The following SLC35F1 variants were observed in gnomAD, a reference collection of about 807,000 sequenced individuals.
SLC35F1 encodes the protein chromosome 6 open reading frame 169.
Under a neutral mutation model 48.7 loss-of-function variants are expected in SLC35F1, and 14 were observed. The observed-to-expected ratio is 0.29, with a 90% CI of 0.19 to 0.45. The LOEUF is 0.45. SLC35F1 is among the 20% of genes least tolerant of loss of function. SLC35F1 has a pLI of 1.00. For missense variants in SLC35F1, 404 were observed against 500.0 expected (o/e 0.81, Z 1.83); for synonymous variants, 190 against 202.2 (o/e 0.94, Z 0.51).
At chr6:118,067,155 G>C (rs1229966595) in intron 1 of SLC35F1, among the ~76,000 whole-genome samples, 1 of 152,168 alleles carries the variant, frequency 6.6e-6, no homozygotes, top group Non-Finnish European at 1.5e-5. Context: ...AAAGAATCAT[G>C]GATCACTGGG....
At chr6:117,919,321 C>G (rs1257941815) in intron 1 of SLC35F1, among the ~76,000 whole-genome samples, 1 of 152,148 alleles carries the variant, frequency 6.6e-6, no homozygotes, top group African/African-American at 2.4e-5. Context: ...GGTTTCAATT[C>G]TCTCATTTGT....
intron 1 of SLC35F1, among the ~76,000 whole-genome samples, chr6:117,929,477 G>GTC: frequency 6.6e-6 from 1 of 151,698 alleles, no homozygotes; most frequent in Admixed American, 6.6e-5. Flanking sequence ...GTGTGTGTGT[G>GTC]TGTGTGTGTG....
intron 1 of SLC35F1, among the ~76,000 whole-genome samples, chr6:117,938,057 T>G (rs904020106): frequency 1.3e-5 from 2 of 152,126 alleles, no homozygotes; most frequent in Non-Finnish European, 2.9e-5. Flanking sequence ...ACATCAAAAC[T>G]AAATACAAGC....
chr6:118,079,287 G>T (rs557336933), intron 1 of SLC35F1, among the ~76,000 whole-genome samples: 1 of 152,156 alleles, frequency 6.6e-6, no homozygotes, highest in Non-Finnish European at 1.5e-5. Flanking sequence ...CTTTCCTTTT[G>T]TGTCTGTTCA....
intron 1 of SLC35F1, among the ~76,000 whole-genome samples, chr6:118,034,234 T>C (rs1725283366): frequency 6.6e-6 from 1 of 152,090 alleles, no homozygotes; most frequent in Non-Finnish European, 1.5e-5. Flanking sequence ...AAACCTGTTC[T>C]TAGCATACAA....
At chr6:118,141,383 TGC>T (rs1429187781) in intron 1 of SLC35F1, among the ~76,000 whole-genome samples, 1,913 of 152,320 alleles carry the variant, frequency 0.013, 35 homozygotes, top group African/African-American at 0.043. Context: ...CATCTAGGTT[TGC>T]GTAAGTACAC....
intron 1 of SLC35F1, among the ~76,000 whole-genome samples, chr6:118,124,606 C>T (rs1428367466): frequency 2.6e-5 from 4 of 152,114 alleles, no homozygotes; most frequent in Admixed American, 6.6e-5. Context: ...GTTACTGAGC[C>T]GGCCCAGGCT....
At chr6:118,277,333 C>A (rs1775930255) in intron 5 of SLC35F1, among the ~76,000 whole-genome samples, 161 bp from the exon 6 acceptor site, 1 of 152,148 alleles carries the variant, frequency 6.6e-6, no homozygotes, top group African/African-American at 2.4e-5. Context: ...CTGCACTCTG[C>A]CTAATTAGAC....
intron 1 of SLC35F1, among the ~76,000 whole-genome samples, chr6:118,148,335 T>C (rs138301304): frequency 6.1e-4 from 93 of 152,352 alleles, no homozygotes; most frequent in African/African-American, 2.2e-3. Context: ...TTTAAAAGAA[T>C]GTATTCTTAT....
At position 118,275,469 on chromosome 6, in the gene SLC35F1, G is replaced by C. The variant is rs773191996; in HGVS notation, c.648G>C (p.Lys216Asn). 9.9e-6 allele frequency: 16 copies of C among 1,611,188 alleles called. No homozygotes were observed. In the Admixed American group the frequency reaches 2.7e-4, roughly 27 times the overall value. Residue 216 changes from lysine (K) to asparagine (N), a missense_variant, in exon 5 of 8, where the codon AAG (lysine) becomes AAC (asparagine). Coordinates refer to ENST00000360388, the MANE Select transcript of SLC35F1 (RefSeq NM_001029858.4). ...VGRHQGAGEN[K>N]LVGDLLVLGG... is the part of the protein sequence containing the mutation. ...TTGGTTGGTTCCTAGGGGAAAATAAGCTGGTAGGGGACCTTCTGGTCTTAG... is the reference window on the plus strand; with the variant it reads ...TTGGTTGGTTCCTAGGGGAAAATAACCTGGTAGGGGACCTTCTGGTCTTAG...
At chr6:117,966,128 A>ACCCCCC (rs1776560909) in intron 1 of SLC35F1, among the ~76,000 whole-genome samples, 7 of 17,232 alleles carry the variant, frequency 4.1e-4, no homozygotes, top group East Asian at 3.2e-3. Context: ...AAAGCAGGCC[A>ACCCCCC]CCGCCCCCCC....
chr6:118,082,821 CAT>C (rs1292703440), intron 1 of SLC35F1, among the ~76,000 whole-genome samples: 2 of 152,162 alleles, frequency 1.3e-5, no homozygotes, highest in African/African-American at 4.8e-5. Context: ...CTATCTTTTG[CAT>C]AGTCCAAATC....
At chr6:117,987,158 T>C (rs1163867523) in intron 1 of SLC35F1, among the ~76,000 whole-genome samples, 2 of 152,162 alleles carry the variant, frequency 1.3e-5, no homozygotes, top group Admixed American at 6.5e-5. Flanking sequence ...GGCAGCTATA[T>C]ATGTGCACAT....
intron 2 of SLC35F1, among the ~76,000 whole-genome samples, chr6:118,182,475 G>A (rs1774592002): frequency 7.2e-6 from 1 of 138,884 alleles, no homozygotes; most frequent in Non-Finnish European, 1.6e-5. Flanking sequence ...TTGGGCAACA[G>A]AGTGAGACCC....
At chr6:117,942,032 A>G (rs948558961) in intron 1 of SLC35F1, among the ~76,000 whole-genome samples, 1 of 152,240 alleles carries the variant, frequency 6.6e-6, no homozygotes, top group Admixed American at 6.5e-5. Context: ...GTCATGGAGG[A>G]GAGTAAAGTG....
rs571816756 is a variant in SLC35F1 at position 118,048,139 on chromosome 6, T to A, written c.174-106306T>A. 3.9e-5 allele frequency among the ~76,000 whole-genome samples: 6 copies of A among 152,328 alleles called. No individual in the cohort carries two copies. In the East Asian group the frequency reaches 1.2e-3, roughly 29 times the overall value. On this transcript the variant is annotated intron_variant, in intron 1 of 7. Coordinates refer to ENST00000360388, the MANE Select transcript of SLC35F1 (RefSeq NM_001029858.4). ...GCCTTTTCTGCATCTATTGAGATAA[T>A]CATGTGGTTTTTGTCTTTAGTTCTA...
At chr6:117,994,779 A>T (rs1776963158) in intron 1 of SLC35F1, among the ~76,000 whole-genome samples, 2 of 152,208 alleles carry the variant, frequency 1.3e-5, no homozygotes, top group Non-Finnish European at 2.9e-5. Flanking sequence ...TTTCATCAGA[A>T]TGCTTAGGGA....
intron 3 of SLC35F1, among the ~76,000 whole-genome samples, chr6:118,253,200 G>A (rs1370325886): frequency 6.6e-6 from 1 of 152,074 alleles, no homozygotes; most frequent in African/African-American, 2.4e-5. Context: ...ATATTTGAGA[G>A]ATGAGAGTAG....
chr6:118,309,591 CTCTTCTTCACATAG>C (rs1776351055), intron 7 of SLC35F1, among the ~76,000 whole-genome samples: 1 of 152,218 alleles, frequency 6.6e-6, no homozygotes, highest in Non-Finnish European at 1.5e-5. Context: ...AAGCATTGCC[CTCTTCTTCACATAG>C]TCTAGTTGAT....
Sources: allele counts gnomAD v4.1 joint callset (sites outside exome capture counted in the v4.1 genomes callset), GRCh38; gene constraint gnomAD v4.1.1; transcripts MANE v1.5; gene names NCBI Gene and HGNC (gene_info 2026-07-23, HGNC 2026-07-21).